Variants in SLC30A9 observed in about 807,000 individuals in gnomAD.
The protein encoded by SLC30A9 is proton-coupled zinc antiporter SLC30A9, mitochondrial.
A neutral mutation model predicts 87.5 loss-of-function variants in SLC30A9; 58 were observed. The ratio of observed to expected loss-of-function variants is 0.66; its 90% CI spans 0.54 to 0.82. SLC30A9 has a LOEUF of 0.82. Among genes scored for constraint, SLC30A9 ranks in the 40% least tolerant of loss-of-function variants. The pLI is 0.00. For missense variants in SLC30A9, 557 were observed against 679.1 expected, an observed-to-expected ratio of 0.82 and a Z score of 2.00; for synonymous variants, 234 against 233.0, an observed-to-expected ratio of 1.00 and a Z score of -0.04.
intron 1 of SLC30A9, among the ~76,000 whole-genome samples, chr4:41,994,431 T>C (rs1714603578): frequency 6.6e-6 from 1 of 151,880 alleles, no homozygotes; most frequent in Non-Finnish European, 1.5e-5. Flanking sequence ...TTTTTTCATG[T>C]ATTTATACCT....
At chr4:41,997,933 C>T (rs1347008600) in intron 1 of SLC30A9, among the ~76,000 whole-genome samples, 1 of 152,244 alleles carries the variant, frequency 6.6e-6, no homozygotes. Flanking sequence ...GACTCTGGCT[C>T]TGAAATTAGC....
Position 42,070,611 on chromosome 4 carries a change from A to G in SLC30A9, c.1338A>G (p.Thr446=). The G allele has an allele frequency of 6.2e-7, 1 of 1,614,100 alleles. No individual in the cohort carries two copies. The highest frequency in any genetic ancestry group is 8.5e-7 in the Non-Finnish European group (1 of 1,179,950). The change falls in exon 15 of 18, where the codon ACA becomes ACG. Residue 446 remains threonine, a synonymous_variant. Transcript: ENST00000264451. ...MVSAFLIYTN[T]EALLGRSIQP... Reference sequence around the variant, plus strand: ...CAGCATTCCTCATCTACACTAACACAGAAGCACTCTTAGGGCGGTCCATCC... The same window carrying G: ...CAGCATTCCTCATCTACACTAACACGGAAGCACTCTTAGGGCGGTCCATCC...
At position 42,070,650 on chromosome 4, in the gene SLC30A9, A is replaced by G; in HGVS notation, c.1377A>G (p.Val459=). 3 of 1,614,064 alleles carry G rather than the reference A, an allele frequency of 1.9e-6. No individual in the cohort carries two copies. The highest frequency in any genetic ancestry group is 2.5e-6 in the Non-Finnish European group (3 of 1,179,930). ...GGCGGTCCATCCAGCCAGAACAAGT[A>G]CAACGGCTCACTGAACTCCTGGAGA... ...LLGRSIQPEQ[V]QRLTELLEND... Residue 459 remains valine (V), a synonymous_variant, in exon 15 of 18, where the codon GTA becomes GTG. Coordinates refer to ENST00000264451, the MANE Select transcript of SLC30A9 (RefSeq NM_006345.4).
rs149896060 is a variant in SLC30A9 at position 42,064,194 on chromosome 4, C to T, written c.1032+1073C>T. On this transcript the variant is annotated intron_variant, in intron 11 of 17. Transcript: ENST00000264451. ...CAAAGAAATCTTCATTTTTGGCCTC[C>T]TCAATTTCAGCTCTTCTTATGTGGT... Among the ~76,000 whole-genome samples the T allele has an allele frequency of 2.8e-3, 428 of 152,276 alleles. 1 individual carries two copies. The highest frequency in any genetic ancestry group is 6.0e-3 in the South Asian group (29 of 4,824).
intron 9 of SLC30A9, among the ~76,000 whole-genome samples, chr4:42,054,336 C>T (rs189933274): frequency 9.9e-5 from 15 of 152,022 alleles, no homozygotes; most frequent in Non-Finnish European, 1.5e-4. Flanking sequence ...CCAGCCTGGG[C>T]GACAGAACTA....
intron 8 of SLC30A9, among the ~76,000 whole-genome samples, chr4:42,043,027 A>G (rs1187921895): frequency 6.6e-6 from 1 of 152,226 alleles, no homozygotes; most frequent in Non-Finnish European, 1.5e-5. Flanking sequence ...AAGGAATAGC[A>G]TCAACATCAA....
intron 2 of SLC30A9, among the ~76,000 whole-genome samples, chr4:42,008,959 G>A (rs1715329884): frequency 6.6e-6 from 1 of 152,204 alleles, no homozygotes. Flanking sequence ...AGAATGCAGA[G>A]TGTAATGAGT....
intron 15 of SLC30A9, among the ~76,000 whole-genome samples, chr4:42,074,887 T>G (rs1718457417): frequency 6.6e-6 from 1 of 151,422 alleles, no homozygotes; most frequent in African/African-American, 2.4e-5. Flanking sequence ...TACAATTGGT[T>G]AATATACTCT....
At chr4:42,011,094 A>T (rs1560537297) in intron 2 of SLC30A9, among the ~76,000 whole-genome samples, 2 of 152,154 alleles carry the variant, frequency 1.3e-5, no homozygotes, top group Non-Finnish European at 2.9e-5. Flanking sequence ...GTCCATTTTC[A>T]TGCTGCTATG....
At chr4:41,991,085 C>G (rs1188098522) in intron 1 of SLC30A9, among the ~76,000 whole-genome samples, 2 of 152,280 alleles carry the variant, frequency 1.3e-5, no homozygotes, top group South Asian at 4.1e-4. Context: ...TACTCACCTC[C>G]GCGGTTGGAA....
intron 6 of SLC30A9, chr4:42,030,066 C>T: frequency 1.2e-6 from 1 of 836,844 alleles, no homozygotes. Context: ...ACATTGGGCA[C>T]AGTGAGAAAG....
chr4:42,024,327 C>A (rs1716098065), intron 6 of SLC30A9, among the ~76,000 whole-genome samples: 1 of 152,118 alleles, frequency 6.6e-6, no homozygotes, highest in Non-Finnish European at 1.5e-5. Flanking sequence ...GCAACATAGA[C>A]ATAAATGGGG....
chr4:42,064,712 T>A (rs949661452), intron 11 of SLC30A9, among the ~76,000 whole-genome samples: 3 of 152,160 alleles, frequency 2.0e-5, no homozygotes, highest in African/African-American at 7.2e-5. Flanking sequence ...TTCTAAAAGC[T>A]CTTGTGTCTT....
intron 13 of SLC30A9, 126 bp from the exon 14 acceptor site, chr4:42,066,959 C>A: frequency 1.7e-6 from 1 of 599,452 alleles, no homozygotes; most frequent in Non-Finnish European, 2.9e-6. Flanking sequence ...AAATCATAAT[C>A]TCTCATACAC....
In SLC30A9 at chr4:42,067,158, A is replaced by G; in HGVS notation, c.1218A>G (p.Ile406Met). The G allele has an allele frequency of 4.3e-6, 7 of 1,611,160 alleles. No individual in the cohort carries two copies. The highest frequency in any genetic ancestry group is 5.9e-6 in the Non-Finnish European group (7 of 1,177,466). Residue 406 changes from isoleucine (I) to methionine (M), a missense_variant, in exon 14 of 18, where the codon ATA (isoleucine) becomes ATG (methionine). This residue lies in a region of SLC30A9 where 467 missense variants were observed against 529.8 expected (regional missense o/e 0.88). Coordinates refer to ENST00000264451, the MANE Select transcript of SLC30A9 (RefSeq NM_006345.4). ...CTGCTGCAGTCTTGGGAGTTATAATAGCAGCCACTTGCATGGGCCTTACTT... is the reference window on the plus strand; with the variant it reads ...CTGCTGCAGTCTTGGGAGTTATAATGGCAGCCACTTGCATGGGCCTTACTT... ...EDTAAVLGVI[I>M]AATCMGLTSI...
At chr4:42,005,893 G>A (rs1715181396) in intron 2 of SLC30A9, among the ~76,000 whole-genome samples, 1 of 152,148 alleles carries the variant, frequency 6.6e-6, no homozygotes, top group Non-Finnish European at 1.5e-5. Flanking sequence ...GATTACTAAA[G>A]CAGAAAATTA....
intron 16 of SLC30A9, among the ~76,000 whole-genome samples, chr4:42,076,860 G>C (rs903005157): frequency 2.6e-5 from 4 of 151,854 alleles, no homozygotes. Flanking sequence ...TACTCGGCAG[G>C]CTGAGGCAGT....
chr4:42,039,062 T>C lies in SLC30A9; in HGVS notation c.737+9T>C. On this transcript the variant is annotated intron_variant, in intron 8 of 17. Transcript: ENST00000264451. ...ATGGTTGCAATTTGCATGTAAGTACTGAAAAATAAGCTTTGTGAAATAGAA... is the reference window on the plus strand; with the variant it reads ...ATGGTTGCAATTTGCATGTAAGTACCGAAAAATAAGCTTTGTGAAATAGAA... The C allele has an allele frequency of 6.3e-7, 1 of 1,590,804 alleles. No individual in the cohort carries two copies. Among genetic ancestry groups the C allele is most frequent in the Non-Finnish European group, 8.6e-7 (1 of 1,159,078 alleles).
chr4:42,047,931 C>A (rs977013439), intron 8 of SLC30A9, among the ~76,000 whole-genome samples: 27 of 152,082 alleles, frequency 1.8e-4, no homozygotes, highest in African/African-American at 6.5e-4. Context: ...TTTGCAGGGA[C>A]ATGGATGAAG....
Sources: allele counts gnomAD v4.1 joint callset (sites outside exome capture counted in the v4.1 genomes callset), GRCh38; gene constraint gnomAD v4.1.1; regional missense constraint gnomAD v4.1.1; transcripts MANE v1.5; gene names NCBI Gene and HGNC (gene_info 2026-07-23, HGNC 2026-07-21).